Variants in MPPED2 observed in about 807,000 individuals in gnomAD.
The protein encoded by MPPED2 is metallophosphoesterase MPPED2.
A neutral mutation model predicts 33.0 loss-of-function variants in MPPED2; 5 were observed. That is an observed-to-expected ratio of 0.15 (90% CI 0.08 to 0.32). The LOEUF is 0.32. MPPED2 is among the 10% of genes least tolerant of loss of function. MPPED2 has a pLI of 1.00. For missense variants in MPPED2, 275 were observed against 372.1 expected (o/e 0.74, Z 2.15); for synonymous variants, 136 against 141.9 (o/e 0.96, Z 0.29).
Position 30,501,661 on chromosome 11 carries a change from G to A in MPPED2, c.311-6140C>T, listed in dbSNP as rs7933759. 11,656 of 956,528 alleles carry A rather than the reference G, an allele frequency of 0.012. 1,047 individuals carry two copies. The African/African-American group carries it at 0.19, about 15-fold the overall frequency. 59.3% of individuals were successfully genotyped at this position (956,528 alleles called of 1,614,324 possible). A position where few individuals can be genotyped will look rare whatever the true frequency, so the allele number is the denominator to read the frequency against. On this transcript the variant is annotated intron_variant, in intron 3 of 6. Transcript: ENST00000358117. ...TCTCTCAAGAGTGACTACTCATGCAGAATATCCAGAATTTCTTCTTAGAAT... is the reference window on the plus strand; with the variant it reads ...TCTCTCAAGAGTGACTACTCATGCAAAATATCCAGAATTTCTTCTTAGAAT...
downstream of MPPED2, among the ~76,000 whole-genome samples, chr11:30,406,250 C>G (rs759466054): frequency 1.3e-5 from 2 of 152,168 alleles, no homozygotes; most frequent in Admixed American, 6.5e-5. Flanking sequence ...TCCTGTGCTA[C>G]AAAATCACAC....
intron 3 of MPPED2, among the ~76,000 whole-genome samples, chr11:30,515,776 G>A (rs930900861): frequency 2.0e-5 from 3 of 152,134 alleles, no homozygotes; most frequent in African/African-American, 7.2e-5. Context: ...TTGCCTTACA[G>A]ACAGCTAAGA....
downstream of MPPED2, among the ~76,000 whole-genome samples, chr11:30,405,702 G>A (rs543814113): frequency 7.9e-5 from 12 of 152,246 alleles, no homozygotes; most frequent in East Asian, 1.9e-4. Flanking sequence ...GCTTTCTCTC[G>A]TGACGGGCTG....
intron 2 of MPPED2, among the ~76,000 whole-genome samples, chr11:30,537,472 A>G (rs551053903): frequency 6.6e-6 from 1 of 152,296 alleles, no homozygotes; most frequent in East Asian, 1.9e-4. Context: ...GCTTTGTTTA[A>G]TTTGTTTTCT....
rs190102065 is a variant in MPPED2 at position 30,546,329 on chromosome 11, C to G, written c.129-10154G>C. On this transcript the variant is annotated intron_variant, in intron 2 of 6. Coordinates refer to ENST00000358117, the MANE Select transcript of MPPED2 (RefSeq NM_001584.3). ...CAGTAGAAAGAACATTAAGAGCCAT[C>G]AAACACACGAGCTTGTTTTTTTAAT... Among the ~76,000 whole-genome samples, 18 of 152,264 alleles carry G rather than the reference C, an allele frequency of 1.2e-4. No homozygotes were observed. The East Asian group carries it at 3.3e-3, about 28-fold the overall frequency.
At chr11:30,438,805 C>A (rs1949434799) in intron 4 of MPPED2, among the ~76,000 whole-genome samples, 1 of 152,214 alleles carries the variant, frequency 6.6e-6, no homozygotes, top group African/African-American at 2.4e-5. Context: ...AACTCTAAAT[C>A]TCAGAGCACA....
At position 30,410,555 on chromosome 11, in the gene MPPED2, C is replaced by T. The variant is rs1305735347; in HGVS notation, c.*913G>A. ...AAGTCTATACATGCCTGTAACTGTA[C>T]CTAGATTTAACTCAAGCTCTTTAAG... On this transcript the variant is annotated 3_prime_UTR_variant, in exon 7 of 7. Transcript: ENST00000358117. 1 of 985,588 alleles carries T rather than the reference C, an allele frequency of 1.0e-6. No individual in the cohort carries two copies. Among genetic ancestry groups the T allele is most frequent in the Non-Finnish European group, 1.2e-6 (1 of 829,938 alleles). 61.1% of individuals were successfully genotyped at this position (985,588 alleles called of 1,614,324 possible). A position where few individuals can be genotyped will look rare whatever the true frequency, so the allele number is the denominator to read the frequency against.
intron 4 of MPPED2, among the ~76,000 whole-genome samples, chr11:30,480,430 G>C (rs952281310): frequency 1.3e-5 from 2 of 151,924 alleles, no homozygotes; most frequent in Non-Finnish European, 2.9e-5. Flanking sequence ...TGACTAAAAT[G>C]AGACTTTCAG....
At chr11:30,517,787 CT>C (rs1262064961) in intron 3 of MPPED2, among the ~76,000 whole-genome samples, 1 of 152,154 alleles carries the variant, frequency 6.6e-6, no homozygotes, top group Non-Finnish European at 1.5e-5. Context: ...GCTTCTTGAT[CT>C]TTCCTCCTTC....
At chr11:30,565,501 T>C (rs1319792625) in intron 2 of MPPED2, among the ~76,000 whole-genome samples, 1 of 152,088 alleles carries the variant, frequency 6.6e-6, no homozygotes, top group African/African-American at 2.4e-5. Context: ...CCCCTTTACC[T>C]ACAGGGCAAA....
chr11:30,431,147 T>C (rs1216710645), intron 4 of MPPED2, among the ~76,000 whole-genome samples: 1 of 152,214 alleles, frequency 6.6e-6, no homozygotes, highest in Non-Finnish European at 1.5e-5. Flanking sequence ...GTGGGGCTTT[T>C]TTTGCAGCGG....
At chr11:30,423,448 C>A (rs888396361) in intron 4 of MPPED2, among the ~76,000 whole-genome samples, 1 of 152,188 alleles carries the variant, frequency 6.6e-6, no homozygotes, top group African/African-American at 2.4e-5. Flanking sequence ...GGATTTGGCA[C>A]AGAAGCTGTG....
chr11:30,419,759 C>T (rs923903018), intron 4 of MPPED2, among the ~76,000 whole-genome samples: 1 of 152,118 alleles, frequency 6.6e-6, no homozygotes, highest in African/African-American at 2.4e-5. Flanking sequence ...AATCTTAAGA[C>T]TTATATGAGC....
At chr11:30,485,997 G>C (rs1023272381) in intron 4 of MPPED2, among the ~76,000 whole-genome samples, 2 of 152,168 alleles carry the variant, frequency 1.3e-5, no homozygotes, top group Admixed American at 6.5e-5. Flanking sequence ...AGGATGTCCT[G>C]CGGCTCTGCA....
intron 4 of MPPED2, among the ~76,000 whole-genome samples, chr11:30,442,305 CAAAT>C (rs1949612774): frequency 6.6e-6 from 1 of 152,038 alleles, no homozygotes; most frequent in Non-Finnish European, 1.5e-5. Flanking sequence ...AGTATTTAGT[CAAAT>C]AAAATCTGTG....
At chr11:30,544,857 C>T (rs1229385663) in intron 2 of MPPED2, among the ~76,000 whole-genome samples, 1 of 152,076 alleles carries the variant, frequency 6.6e-6, no homozygotes, top group African/African-American at 2.4e-5. Flanking sequence ...AGGATTGGCA[C>T]TATTAGGAGC....
chr11:30,452,183 C>A, intron 4 of MPPED2: 1 of 724,550 alleles, frequency 1.4e-6, no homozygotes, highest in Non-Finnish European at 1.7e-6. Flanking sequence ...TCTTGAGCTC[C>A]AAACAGAATC....
intron 2 of MPPED2, among the ~76,000 whole-genome samples, chr11:30,552,436 A>C (rs1955761291): frequency 6.6e-6 from 1 of 152,234 alleles, no homozygotes; most frequent in Non-Finnish European, 1.5e-5. Flanking sequence ...AAAGCAAAGA[A>C]AGATGAACCC....
At chr11:30,426,472 T>G (rs1185669780) in intron 4 of MPPED2, among the ~76,000 whole-genome samples, 1 of 152,100 alleles carries the variant, frequency 6.6e-6, no homozygotes, top group African/African-American at 2.4e-5. Context: ...GGATAATAAG[T>G]CCCAGTCCCT....
Sources: allele counts gnomAD v4.1 joint callset (sites outside exome capture counted in the v4.1 genomes callset), GRCh38; gene constraint gnomAD v4.1.1; transcripts MANE v1.5; gene names NCBI Gene and HGNC (gene_info 2026-07-23, HGNC 2026-07-21).